ELFN1: variants seen among roughly 807,000 people sequenced by gnomAD.
ELFN1 encodes extracellular leucine rich repeat and fibronectin type III domain containing 1.
A neutral mutation model predicts 7.6 loss-of-function variants in ELFN1; 6 were observed. That is an observed-to-expected ratio of 0.79 (90% confidence interval 0.43 to 1.56). The LOEUF is 1.56. Among genes scored for constraint, ELFN1 ranks in the 40% most tolerant of loss-of-function variants. The pLI is 0.01. For missense variants in ELFN1, 1,169 were observed against 1,232.2 expected (o/e 0.95, Z 0.77); for synonymous variants, 657 against 588.1 (o/e 1.12, Z -1.70).
At chr7:1,698,033 T>TC (rs1267976689) in intron 2 of ELFN1, among the ~76,000 whole-genome samples, 1 of 152,222 alleles carries the variant, frequency 6.6e-6, no homozygotes. Context: ...CATCAGACTT[T>TC]CTTTTCTCTT....
intron 3 of ELFN1, among the ~76,000 whole-genome samples, chr7:1,731,066 C>A (rs1037017151): frequency 1.3e-5 from 2 of 152,078 alleles, no homozygotes; most frequent in Non-Finnish European, 2.9e-5. Flanking sequence ...TACAACGGCA[C>A]CAATAAAACA....
chr7:1,704,545 G>A (rs948596889), intron 2 of ELFN1, among the ~76,000 whole-genome samples: 19 of 152,064 alleles, frequency 1.2e-4, no homozygotes, highest in Non-Finnish European at 2.5e-4. Context: ...ACTGGGTCTC[G>A]ACTCCTCCCC....
At position 1,746,549 on chromosome 7, in the gene ELFN1, C is replaced by T. The variant is rs1780800480; in HGVS notation, c.1953C>T (p.Ala651=). The T allele has an allele frequency of 1.5e-6, 2 of 1,374,792 alleles. No homozygotes were observed. Among genetic ancestry groups the T allele is most frequent in the Non-Finnish European group, 1.9e-6 (2 of 1,071,804 alleles). 85.2% of individuals were successfully genotyped at this position (1,374,792 alleles called of 1,614,324 possible). ...SSSGSVRSPR[A]FRAEAVGVHK... ...GCGGCTCCGTGCGCAGCCCCCGCGC[C>T]TTCCGAGCCGAGGCCGTCGGGGTGC... Residue 651 remains alanine, a synonymous_variant, in exon 4 of 4, where the codon GCC becomes GCT. Transcript: ENST00000424383.
At position 1,705,836 on chromosome 7, in the gene ELFN1, T is replaced by C. The variant is rs1173727671; in HGVS notation, c.-455-3255T>C. ...AGCCCCCGAATATCACAGACAAAAC[T>C]GCCTGTGTATTTTCCAGGGTGGGTT... On this transcript the variant is annotated intron_variant, in intron 2 of 3. Transcript: ENST00000424383. This position sits in a 1 kb window ranked among gnomAD's most constrained non-coding sequence, Gnocchi z 4.3. Among the ~76,000 whole-genome samples the C allele has an allele frequency of 6.6e-6, 1 of 152,200 alleles. No homozygotes were observed. Among genetic ancestry groups the C allele is most frequent in the Non-Finnish European group, 1.5e-5 (1 of 68,032 alleles).
At position 1,699,048 on chromosome 7, in the gene ELFN1, A is replaced by G. The variant is rs143119456; in HGVS notation, c.-455-10043A>G. ...ATAAGTGGAAGCATCCATTATATACACATTCTGTCTGGGTGCTTCTGCACA... is the reference window on the plus strand; with the variant it reads ...ATAAGTGGAAGCATCCATTATATACGCATTCTGTCTGGGTGCTTCTGCACA... On this transcript the variant is annotated intron_variant, in intron 2 of 3. Coordinates refer to ENST00000424383, the MANE Select transcript of ELFN1 (RefSeq NM_001128636.4). 3.3e-5 allele frequency among the ~76,000 whole-genome samples: 5 copies of G among 152,344 alleles called. No individual in the cohort carries two copies. The East Asian group carries it at 9.6e-4, about 29-fold the overall frequency.
intron 3 of ELFN1, among the ~76,000 whole-genome samples, chr7:1,716,097 G>A (rs1180889317): frequency 5.3e-5 from 8 of 152,210 alleles, no homozygotes. Flanking sequence ...GGGTCTGTGA[G>A]TAAGTAAATG....
At chr7:1,729,450 C>T (rs945526162) in intron 3 of ELFN1, among the ~76,000 whole-genome samples, 6 of 152,224 alleles carry the variant, frequency 3.9e-5, no homozygotes, top group African/African-American at 9.6e-5. Flanking sequence ...CTCTCAGTCT[C>T]GATGGGACCA....
At chr7:1,736,515 G>T (rs1780451561) in intron 3 of ELFN1, among the ~76,000 whole-genome samples, 1 of 152,218 alleles carries the variant, frequency 6.6e-6, no homozygotes, top group African/African-American at 2.4e-5. Flanking sequence ...CATATTTCTT[G>T]ATTTCATTAG....
chr7:1,696,613 G>A lies in ELFN1; in HGVS notation c.-456+8463G>A, dbSNP rs145127404. ...AGATGGAGTTTCGCTATGTTGCCCA[G>A]GCTAGTCTTGAACTCCTGGCTCAAT... is the stretch of plus-strand genomic sequence containing the variant. On this transcript the variant is annotated intron_variant, in intron 2 of 3. Coordinates refer to ENST00000424383, the MANE Select transcript of ELFN1 (RefSeq NM_001128636.4). 2.6e-3 allele frequency among the ~76,000 whole-genome samples: 399 copies of A among 152,220 alleles called. 3 individuals are homozygous for A. The highest frequency in any genetic ancestry group is 9.0e-3 in the African/African-American group (374 of 41,512).
intron 3 of ELFN1, among the ~76,000 whole-genome samples, chr7:1,727,138 A>T (rs1297195404): frequency 6.6e-6 from 1 of 152,130 alleles, no homozygotes; most frequent in Non-Finnish European, 1.5e-5. Context: ...TTCCCTGCCC[A>T]CACCCAAGCA....
At chr7:1,725,421 C>T (rs1005298416) in intron 3 of ELFN1, among the ~76,000 whole-genome samples, 1 of 150,100 alleles carries the variant, frequency 6.7e-6, no homozygotes, top group Non-Finnish European at 1.5e-5. Flanking sequence ...CAGGTCGGTG[C>T]AGCCTTAGAG....
At chr7:1,737,928 G>A (rs1406973414) in intron 3 of ELFN1, among the ~76,000 whole-genome samples, 1 of 152,122 alleles carries the variant, frequency 6.6e-6, no homozygotes. Flanking sequence ...AGGGTATGCC[G>A]GCCACCCCTT....
rs759244078 is a variant in ELFN1, at chr7:1,745,811, G to T, written c.1215G>T (p.Pro405=). The T allele has an allele frequency of 1.3e-6, 2 of 1,564,480 alleles. No homozygotes were observed. The highest frequency in any genetic ancestry group is 2.4e-5 in the East Asian group (1 of 41,654). ...LTICLPRLPS[P]PGPVPSPSTA... ...TCTGCTTGCCCCGGCTGCCCAGCCC[G>T]CCTGGTCCGGTGCCCAGCCCCTCCA... The change falls in exon 4 of 4, where the codon CCG becomes CCT. Residue 405 remains proline (P), a synonymous_variant. Transcript: ENST00000424383.
chr7:1,702,429 A>G (rs1436687815), intron 2 of ELFN1, among the ~76,000 whole-genome samples: 9 of 131,974 alleles, frequency 6.8e-5, no homozygotes, highest in African/African-American at 2.6e-4. Context: ...TCGGGGGGGA[A>G]AAAAAAAAAG....
Position 1,746,941 on chromosome 7 carries a change from T to C in ELFN1, c.2345T>C (p.Leu782Pro). 1 of 1,550,292 alleles carries C rather than the reference T, an allele frequency of 6.5e-7. No homozygotes were observed. The change falls in exon 4 of 4, where the codon CTG becomes CCG. Residue 782 changes from leucine (L) to proline (P), a missense_variant. By Grantham distance (98) the Leu-to-Pro change is moderately conservative (BLOSUM62 -3). This residue lies in a region of ELFN1 where 914 missense variants were observed against 872.6 expected (regional missense o/e 1.05). Transcript: ENST00000424383. ...CAGAGCATCTGGGAGCGCTTCAGAC[T>C]GAGCCGCCGGCGGCACAAGGAGGAA... ...ASQSIWERFR[L>P]SRRRHKEEEE...
At chr7:1,703,030 A>G (rs574405948) in intron 2 of ELFN1, among the ~76,000 whole-genome samples, 41 of 152,326 alleles carry the variant, frequency 2.7e-4, no homozygotes, top group Admixed American at 1.7e-3. Context: ...CCAGCACTGC[A>G]ATGCACTGGG....
rs1312356268 is a variant in ELFN1 at position 1,739,865 on chromosome 7, A to C, written c.-293-4439A>C. Among the ~76,000 whole-genome samples, 1 of 151,760 alleles carries C rather than the reference A, an allele frequency of 6.6e-6. No individual in the cohort carries two copies. Among genetic ancestry groups the C allele is most frequent in the African/African-American group, 2.4e-5 (1 of 41,272 alleles). ...CTGAGGATGGAAGAGGAGGTGAGGG[A>C]GGGGGATGGAAACTGCTGGCGATCC... On this transcript the variant is annotated intron_variant, in intron 3 of 3. Transcript: ENST00000424383. The surrounding 1 kb of genome is among the most constrained non-coding windows in gnomAD (Gnocchi z 4.6).
At chr7:1,689,138 T>A (rs1779110692) in intron 2 of ELFN1, among the ~76,000 whole-genome samples, 1 of 152,224 alleles carries the variant, frequency 6.6e-6, no homozygotes, top group South Asian at 2.1e-4. Flanking sequence ...CCCACAAGAT[T>A]CCCTGGTGAT....
At chr7:1,711,046 G>T (rs577404096) in intron 3 of ELFN1, among the ~76,000 whole-genome samples, 1 of 152,320 alleles carries the variant, frequency 6.6e-6, no homozygotes, top group Admixed American at 6.5e-5. Flanking sequence ...GATCAGCAGG[G>T]ACTCAAATGC....
Sources: allele counts gnomAD v4.1 joint callset (sites outside exome capture counted in the v4.1 genomes callset), GRCh38; gene constraint gnomAD v4.1.1; regional missense constraint gnomAD v4.1.1; non-coding constraint Gnocchi (gnomAD v3.1); transcripts MANE v1.5; gene names NCBI Gene and HGNC (gene_info 2026-07-23, HGNC 2026-07-21).